KLC2: variants seen among roughly 807,000 people sequenced by gnomAD.
KLC2 encodes the protein KLC 2.
KLC2 carries 35 observed loss-of-function variants against 75.1 expected under a neutral mutation model. That is an observed-to-expected ratio of 0.47 (90% CI 0.36 to 0.62). The LOEUF (loss-of-function observed/expected upper bound fraction) is 0.62. KLC2 is among the 20% of genes least tolerant of loss of function. KLC2 has a pLI of 0.00. For missense variants in KLC2, 611 were observed against 833.2 expected (o/e 0.73, Z 3.28); for synonymous variants, 314 against 336.7 (o/e 0.93, Z 0.74).
chr11:66,263,461 C>T (rs995314425), intron 5 of KLC2, among the ~76,000 whole-genome samples, 199 bp from the exon 6 acceptor site: 2 of 152,172 alleles, frequency 1.3e-5, no homozygotes, highest in African/African-American at 4.8e-5. Flanking sequence ...CCCAGCACTG[C>T]GCACCCCAGC....
chr11:66,258,730 G>A lies in KLC2; in HGVS notation c.136G>A (p.Glu46Lys), dbSNP rs753845837. ...RALLAPLVAP[E>K]AGEAEPGSQE... is the part of the protein sequence containing the mutation. ...CCTGCTGGCTCCTCTGGTTGCACCT[G>A]AGGCCGGCGAAGCCGAGCCTGGCTC... Residue 46 changes from glutamate (E) to lysine (K), a missense_variant, in exon 2 of 16, where the codon GAG (glutamate) becomes AAG (lysine). Transcript: ENST00000394067. 6.2e-6 allele frequency: 10 copies of A among 1,613,310 alleles called. No homozygotes were observed. Among genetic ancestry groups the A allele is most frequent in the Admixed American group, 3.3e-5 (2 of 60,006 alleles).
Position 66,266,900 on chromosome 11 carries a change from C to T in KLC2, c.1813C>T (p.Arg605Cys), listed in dbSNP as rs779248192. 2.5e-6 allele frequency: 4 copies of T among 1,613,532 alleles called. No homozygotes were observed. Among genetic ancestry groups the T allele is most frequent in the South Asian group, 1.1e-5 (1 of 91,088 alleles). ...TGGAGGCACAGGTCTCTCTGACAGC[C>T]GCACTCTCAGCTCCAGCTCCATGGA... is the stretch of plus-strand genomic sequence containing the variant. Reference protein sequence around the residue: ...QPGGTGLSDSRTLSSSSMDLS... With the variant: ...QPGGTGLSDSCTLSSSSMDLS... Residue 605 changes from arginine to cysteine, a missense_variant, in exon 16 of 16, where the codon CGC (arginine) becomes TGC (cysteine). Arg to Cys is a radical substitution (Grantham distance 180). Coordinates refer to ENST00000394067, the MANE Select transcript of KLC2 (RefSeq NM_001318734.2).
chr11:66,267,427 C>A lies in KLC2; in HGVS notation c.*471C>A. The A allele has an allele frequency of 1.4e-6, 1 of 717,636 alleles. No homozygotes were observed. The highest frequency in any genetic ancestry group is 2.6e-6 in the Non-Finnish European group (1 of 385,218). 44.5% of individuals were successfully genotyped at this position (717,636 alleles called of 1,614,324 possible). ...CCTCGTCCCTCTTCTAGTGGTACCG[C>A]CCAGGCCTTAATCACCCCCATTCCG... On this transcript the variant is annotated 3_prime_UTR_variant, in exon 16 of 16. Transcript: ENST00000394067.
At chr11:66,257,353 C>T (rs575131315), upstream of KLC2, 2 of 152,356 alleles carry the variant, frequency 1.3e-5, no homozygotes, top group South Asian at 4.1e-4. Context: ...AGTCAATGAA[C>T]CCAGGGCACC....
chr11:66,265,594 G>C (rs1856766214), intron 11 of KLC2, 61 bp from the exon 12 acceptor site: 1 of 1,369,308 alleles, frequency 7.3e-7, no homozygotes, highest in African/African-American at 1.4e-5. Flanking sequence ...ACTGTGGGCT[G>C]GGTGCCAGGA....
Position 66,266,484 on chromosome 11 carries a change from G to T in KLC2, c.1779G>T (p.Pro593=), listed in dbSNP as rs146772625. Residue 593 remains proline, a synonymous_variant, in exon 15 of 16, where the codon CCG becomes CCT. Coordinates refer to ENST00000394067, the MANE Select transcript of KLC2 (RefSeq NM_001318734.2). ...TCCTCAACAAGAGCGTGGAAGAGCCGACCCAGGTAGGGGCAGGCGGGTGTC... is the reference window on the plus strand; with the variant it reads ...TCCTCAACAAGAGCGTGGAAGAGCCTACCCAGGTAGGGGCAGGCGGGTGTC... ...LNFLNKSVEE[P]TQPGGTGLSD... is the part of the protein sequence containing the mutation. 6.2e-7 allele frequency: 1 copy of T among 1,613,820 alleles called. No homozygotes were observed. Among genetic ancestry groups the T allele is most frequent in the Non-Finnish European group, 8.5e-7 (1 of 1,179,844 alleles).
At chr11:66,263,078 C>T (rs1166648799) in intron 5 of KLC2, 42 bp downstream of exon 5, 1 of 1,472,816 alleles carries the variant, frequency 6.8e-7, no homozygotes. Flanking sequence ...CTGGAAGGCT[C>T]CAGCCCTGGA....
chr11:66,257,406 G>C (rs1021854605), upstream of KLC2: 3 of 152,338 alleles, frequency 2.0e-5, no homozygotes, highest in African/African-American at 7.2e-5. Flanking sequence ...GTGGCGCCTC[G>C]CTCTGTACTC....
intron 11 of KLC2, 192 bp from the exon 12 acceptor site, chr11:66,265,463 A>G (rs978774364): frequency 2.1e-5 from 14 of 666,426 alleles, no homozygotes; most frequent in Non-Finnish European, 3.1e-5. Flanking sequence ...CCCTGGGGCC[A>G]GGTCCCCAGC....
At chr11:66,253,448 G>A (rs1855979598), upstream of KLC2, among the ~76,000 whole-genome samples, 1 of 152,220 alleles carries the variant, frequency 6.6e-6, no homozygotes, top group Admixed American at 6.5e-5. Context: ...GATTTTCAGG[G>A]AGGAAACAGT....
Position 66,267,556 on chromosome 11 carries a change from C to T in KLC2, c.*600C>T, listed in dbSNP as rs1162939846. 1 of 633,428 alleles carries T rather than the reference C, an allele frequency of 1.6e-6. No individual in the cohort carries two copies. Among genetic ancestry groups the T allele is most frequent in the Non-Finnish European group, 2.9e-6 (1 of 345,728 alleles). 39.2% of individuals were successfully genotyped at this position (633,428 alleles called of 1,614,324 possible). On this transcript the variant is annotated 3_prime_UTR_variant, in exon 16 of 16. Transcript: ENST00000394067. The stretch of plus-strand genomic sequence containing the variant: ...CTGGCCTCTGAGGGATGCGTCCTAC[C>T]CGCGCCATCGCCCCGTGGCCCAGGA...
the KLC2 span, chr11:66,246,363 CTGGCT>C: frequency 1.2e-4 from 18 of 152,264 alleles, no homozygotes; most frequent in African/African-American, 4.3e-4. Context: ...CCCTTAGGTT[CTGGCT>C]TAGAGCTAGG....
Sources: allele counts gnomAD v4.1 joint callset (sites outside exome capture counted in the v4.1 genomes callset), GRCh38; gene constraint gnomAD v4.1.1; transcripts MANE v1.5; gene names NCBI Gene and HGNC (gene_info 2026-07-23, HGNC 2026-07-21).